Variants in PTCH1 observed in about 807,000 individuals in gnomAD.
PTCH1 encodes the protein protein patched homolog 1.
In PTCH1, 14 loss-of-function variants were observed where a neutral mutation model predicts 144.6. The observed-to-expected ratio is 0.10, with a 90% CI of 0.06 to 0.15. The LOEUF (loss-of-function observed/expected upper bound fraction) is 0.15, where lower values mean the gene tolerates loss of function less well. PTCH1 is among the 10% of genes least tolerant of loss of function. PTCH1 has a pLI of 1.00. For synonymous variants in PTCH1, 833 were observed against 793.6 expected (o/e 1.05, Z -0.83); for missense variants, 1,623 against 1,948.3 (o/e 0.83, Z 3.14).
At chr9:95,473,597 T>G (rs1256780145) in intron 12 of PTCH1, among the ~76,000 whole-genome samples, 1 of 148,268 alleles carries the variant, frequency 6.7e-6, no homozygotes, top group Non-Finnish European at 1.5e-5. Flanking sequence ...CAGGCTGGAG[T>G]GCAATAGCAC....
At chr9:95,469,302 T>C (rs1355405051) in intron 13 of PTCH1, 149 bp from the exon 14 acceptor site, 2 of 1,112,618 alleles carry the variant, frequency 1.8e-6, no homozygotes, top group Non-Finnish European at 2.6e-6. Context: ...TCCAGAAACA[T>C]CGCCTGGTTG....
Position 95,449,516 on chromosome 9 carries a change from C to T in PTCH1, c.3550-193G>A. The T allele has an allele frequency of 1.3e-6, 1 of 751,744 alleles. No homozygotes were observed. Among genetic ancestry groups the T allele is most frequent in the East Asian group, 2.7e-5 (1 of 37,322 alleles). 46.6% of individuals were successfully genotyped at this position (751,744 alleles called of 1,614,324 possible). A position where few individuals can be genotyped will look rare whatever the true frequency, so the allele number is the denominator to read the frequency against. ...CCCGCAGCTGGAGCAGAAGAACTGTCCTCTGCTCCACACTGGAAAGGCAGG... is the reference window on the plus strand; with the variant it reads ...CCCGCAGCTGGAGCAGAAGAACTGTTCTCTGCTCCACACTGGAAAGGCAGG... On this transcript the variant is annotated intron_variant, in intron 21 of 23. Transcript: ENST00000331920. This position sits in a 1 kb window ranked among gnomAD's most constrained non-coding sequence, Gnocchi z 5.3.
At chr9:95,494,635 T>C (rs538904079) in intron 2 of PTCH1, among the ~76,000 whole-genome samples, 246 of 152,134 alleles carry the variant, frequency 1.6e-3, no homozygotes, top group Non-Finnish European at 2.8e-3. Flanking sequence ...CTGCAGGAAG[T>C]GGGCGGGCCC....
chr9:95,469,166 G>A lies in PTCH1; in HGVS notation c.1848-13C>T, dbSNP rs755868590. On this transcript the variant is annotated splice_polypyrimidine_tract_variant and intron_variant, in intron 13 of 23. Transcript: ENST00000331920. ...GCTGACGCAGGGGCTGAAAGGAGGG[G>A]AAACATGTTGCAATGTTATGCTGAA... 5 of 1,614,040 alleles carry A rather than the reference G, an allele frequency of 3.1e-6. No individual in the cohort carries two copies. Among genetic ancestry groups the A allele is most frequent in the Non-Finnish European group, 3.4e-6 (4 of 1,180,026 alleles).
intron 23 of PTCH1, chr9:95,446,680 T>C: frequency 1.6e-6 from 1 of 622,238 alleles, no homozygotes. Context: ...GCACCGACCC[T>C]CCGCAGGTTA....
chr9:95,481,814 C>T, intron 5 of PTCH1, 135 bp downstream of exon 5: 1 of 887,646 alleles, frequency 1.1e-6, no homozygotes, highest in Admixed American at 2.0e-5. Flanking sequence ...ACTATTCACT[C>T]AAAAAATGCA....
rs2118426573 is a variant in PTCH1, at chr9:95,480,553, G to A, written c.782C>T (p.Pro261Leu). 1 of 1,613,580 alleles carries A rather than the reference G, an allele frequency of 6.2e-7. No individual in the cohort carries two copies. The highest frequency in any genetic ancestry group is 8.5e-7 in the Non-Finnish European group (1 of 1,179,956). Residue 261 changes from proline (P) to leucine (L), a missense_variant, in exon 6 of 24, where the codon CCT becomes CTT. Physicochemically the swap from Pro to Leu is moderately conservative, Grantham distance 98. Around this residue, in one of 7 missense-constraint regions of PTCH1, gnomAD observed 230 missense variants for 271.0 expected, o/e 0.85. Coordinates refer to ENST00000331920, the MANE Select transcript of PTCH1 (RefSeq NM_000264.5). ...KPPLRWTNFD[P>L]LEFLEELKKI... ...CTTTAACTCTTCCAGGAATTCCAAAGGGTCGAAGTTTGTCCACCGCAAAGG... is the reference window on the plus strand; with the variant it reads ...CTTTAACTCTTCCAGGAATTCCAAAAGGTCGAAGTTTGTCCACCGCAAAGG...
In PTCH1 at chr9:95,478,326, G is replaced by A. The variant is rs1054105127; in HGVS notation, c.1216-140C>T. 3.0e-6 allele frequency: 4 copies of A among 1,318,522 alleles called. No individual in the cohort carries two copies. The African/African-American group carries it at 4.4e-5, about 14-fold the overall frequency. 81.7% of individuals were successfully genotyped at this position (1,318,522 alleles called of 1,614,324 possible). On this transcript the variant is annotated intron_variant, in intron 8 of 23. Coordinates refer to ENST00000331920, the MANE Select transcript of PTCH1 (RefSeq NM_000264.5). Reference sequence around the variant, plus strand: ...TAAAAAAGTTCTACGTGATTCCAGGGCAGGGAGAGAAGCTGAAGTTGGGCT... The same window carrying A: ...TAAAAAAGTTCTACGTGATTCCAGGACAGGGAGAGAAGCTGAAGTTGGGCT...
rs1230383619 is a variant in PTCH1 at position 95,509,001 on chromosome 9, C to T, written c.-640G>A. On this transcript the variant is annotated 5_prime_UTR_variant, in exon 1 of 24. Coordinates refer to ENST00000331920, the MANE Select transcript of PTCH1 (RefSeq NM_000264.5). ...GCGGTGGCGGCTCCAGGAGCTGCTG[C>T]TCGGGCTGCTCGGGCTCTGGCTGCT... Among the ~76,000 whole-genome samples, 2 of 151,438 alleles carry T rather than the reference C, an allele frequency of 1.3e-5. No individual in the cohort carries two copies. The highest frequency in any genetic ancestry group is 3.0e-5 in the Non-Finnish European group (2 of 67,754).
intron 17 of PTCH1, among the ~76,000 whole-genome samples, chr9:95,459,267 T>C (rs950891600): frequency 6.6e-6 from 1 of 152,156 alleles, no homozygotes; most frequent in Non-Finnish European, 1.5e-5. Flanking sequence ...TCCCCAGCGA[T>C]AAAACTCTGC....
chr9:95,482,792 C>T (rs1185029705), intron 3 of PTCH1: 1 of 163,368 alleles, frequency 6.1e-6, no homozygotes, highest in African/African-American at 2.4e-5. Context: ...TAATTTAGTG[C>T]TGGGTGCTGC....
intron 1 of PTCH1, chr9:95,514,471 C>T (rs28536201): frequency 0.37 from 55,895 of 152,074 alleles, 10,949 homozygotes; most frequent in African/African-American, 0.49. Flanking sequence ...ACAAATTTAT[C>T]AGAAATATAG....
At chr9:95,516,114 C>A (rs1409052490) in intron 1 of PTCH1, among the ~76,000 whole-genome samples, 1 of 151,980 alleles carries the variant, frequency 6.6e-6, no homozygotes, top group Middle Eastern at 3.2e-3. Context: ...CCCTTTCAGG[C>A]GTGAAAATGG....
rs1350998724 is a variant in PTCH1 at position 95,504,085 on chromosome 9, T to C, written c.394+2322A>G. ...AAAAAGATAATAATAGCTATTTTAT[T>C]GAATCGTAAGGCATGCGATAATATA... is the stretch of plus-strand genomic sequence containing the variant. On this transcript the variant is annotated intron_variant, in intron 2 of 23. Coordinates refer to ENST00000331920, the MANE Select transcript of PTCH1 (RefSeq NM_000264.5). 4.4e-5 allele frequency among the ~76,000 whole-genome samples: 6 copies of C among 137,642 alleles called. 1 individual carries two copies. In the Admixed American group the frequency reaches 4.9e-4, roughly 11 times the overall value. The allele number at this position is 137,642 out of a possible 152,430, so 90.3% of individuals were successfully genotyped here. A position where few individuals can be genotyped will look rare whatever the true frequency, so the allele number is the denominator to read the frequency against.
rs555297981 is a variant in PTCH1 at position 95,480,607 on chromosome 9, G to A, written c.747-19C>T. 1.9e-6 allele frequency: 3 copies of A among 1,606,066 alleles called. No individual in the cohort carries two copies. Among genetic ancestry groups the A allele is most frequent in the East Asian group, 4.5e-5 (2 of 44,830 alleles). On this transcript the variant is annotated intron_variant, in intron 5 of 23. Transcript: ENST00000331920. ...TTTACCTCTGCAAAAGAAATTAGGAGACGAGACCATGAAAAGAGCCTTCTA... is the reference window on the plus strand; with the variant it reads ...TTTACCTCTGCAAAAGAAATTAGGAAACGAGACCATGAAAAGAGCCTTCTA...
intron 17 of PTCH1, 50 bp downstream of exon 17, chr9:95,459,550 G>GGGAA: frequency 1.2e-6 from 2 of 1,605,250 alleles, no homozygotes; most frequent in Non-Finnish European, 1.7e-6. Context: ...TGGAGAACCA[G>GGGAA]GGAAGGCACC....
chr9:95,461,774 G>T (rs1018561992), intron 16 of PTCH1, 82 bp downstream of exon 16: 5 of 1,575,292 alleles, frequency 3.2e-6, no homozygotes, highest in Non-Finnish European at 4.3e-6. Context: ...ACAGGGTGGG[G>T]TCACACGCTG....
At chr9:95,501,530 T>C (rs1843149093) in intron 2 of PTCH1, among the ~76,000 whole-genome samples, 1 of 136,142 alleles carries the variant, frequency 7.3e-6, no homozygotes, top group South Asian at 2.2e-4. Context: ...CAATTTCTTC[T>C]ATTTTTCTTA....
At chr9:95,516,540 C>G in exon 1 of PTCH1, 1 of 1,541,388 alleles carries the variant, frequency 6.5e-7, no homozygotes. Flanking sequence ...GATTTCACAT[C>G]AATTCCTTTT....
Sources: gnomAD v4.1 joint callset for allele counts (sites outside exome capture counted in the v4.1 genomes callset) on GRCh38, gnomAD v4.1.1 for gene constraint, gnomAD v4.1.1 regional missense constraint, Gnocchi (gnomAD v3.1) non-coding constraint, MANE v1.5 for transcripts, NCBI Gene and HGNC (gene_info 2026-07-23, HGNC 2026-07-21) for gene names.